Variants in FBP2 observed in about 807,000 individuals in gnomAD.
The protein encoded by FBP2 is fructose-1,6-bisphosphatase isozyme 2.
A neutral mutation model predicts 31.6 loss-of-function variants in FBP2; 27 were observed. The observed-to-expected ratio is 0.85, with a 90% CI of 0.63 to 1.18. FBP2 has a LOEUF of 1.18. Among genes scored for constraint, FBP2 ranks in the 50% most tolerant of loss-of-function variants. The pLI is 0.00. For synonymous variants in FBP2, 168 were observed against 179.8 expected (o/e 0.93, Z 0.53); for missense variants, 421 against 436.1 (o/e 0.97, Z 0.31).
At chr9:94,581,692 AAAAT>A (rs1827374115) in intron 3 of FBP2, among the ~76,000 whole-genome samples, 2 of 152,324 alleles carry the variant, frequency 1.3e-5, no homozygotes, top group South Asian at 4.1e-4. Context: ...AATATAAACT[AAAAT>A]AAAATCCTAA....
chr9:94,569,555 C>A (rs562920144), intron 4 of FBP2: 3 of 152,362 alleles, frequency 2.0e-5, no homozygotes, highest in Admixed American at 2.0e-4. Context: ...CCGGGACACT[C>A]AGGCCCTGGG....
intron 3 of FBP2, among the ~76,000 whole-genome samples, chr9:94,579,050 C>CAAAAAAAAAAAAAAAAAAAAAAAAAAAA (rs55778806): frequency 6.5e-5 from 2 of 30,594 alleles, no homozygotes; most frequent in African/African-American, 2.0e-4. Context: ...GAGACTCTGT[C>CAAAAAAAAAAAAAAAAAAAAAAAAAAAA]AAAAAAAAAA....
At chr9:94,593,443 G>A in intron 1 of FBP2, 114 bp downstream of exon 1, 1 of 928,326 alleles carries the variant, frequency 1.1e-6, no homozygotes, top group Non-Finnish European at 1.5e-6. Context: ...TCCATCTAGG[G>A]CACACAGGGC....
Position 94,571,570 on chromosome 9 carries a change from G to A in FBP2, c.459C>T (p.Ala153=), listed in dbSNP as rs555016192. The A allele has an allele frequency of 6.2e-7, 1 of 1,613,656 alleles. No individual in the cohort carries two copies. The highest frequency in any genetic ancestry group is 1.1e-5 in the South Asian group (1 of 90,944). Residue 153 remains alanine (A), a synonymous_variant, in exon 4 of 7, where the codon GCC becomes GCT. Coordinates refer to ENST00000375337, the MANE Select transcript of FBP2 (RefSeq NM_003837.4). ...CCACAATATTGCGGCCACACTGCAGGGCATCCTTTTCAGAAGGCTCATCCT... is the reference window on the plus strand; with the variant it reads ...CCACAATATTGCGGCCACACTGCAGAGCATCCTTTTCAGAAGGCTCATCCT... ...TSEDEPSEKD[A]LQCGRNIVAA... is the part of the protein sequence containing the mutation.
chr9:94,581,566 A>T (rs1169463931), intron 3 of FBP2, among the ~76,000 whole-genome samples: 1 of 152,208 alleles, frequency 6.6e-6, no homozygotes, highest in Non-Finnish European at 1.5e-5. Context: ...TAGGGGTCCC[A>T]TCGAGGAACA....
At chr9:94,559,291 T>G (rs925742290) in intron 6 of FBP2, 159 bp from the exon 7 acceptor site, 1 of 642,644 alleles carries the variant, frequency 1.6e-6, no homozygotes, top group Non-Finnish European at 2.6e-6. Flanking sequence ...CTTTAGAGCC[T>G]ACAGCAGGCC....
chr9:94,559,426 T>G (rs898622381), intron 6 of FBP2, among the ~76,000 whole-genome samples: 1 of 152,174 alleles, frequency 6.6e-6, no homozygotes, highest in African/African-American at 2.4e-5. Flanking sequence ...CTTGGAAATA[T>G]GAGATCTAGG....
intron 3 of FBP2, among the ~76,000 whole-genome samples, chr9:94,574,798 T>G (rs1461636957): frequency 6.6e-6 from 1 of 152,160 alleles, no homozygotes; most frequent in Non-Finnish European, 1.5e-5. Context: ...TTTATTTCTA[T>G]GCATGGAAAA....
intron 1 of FBP2, among the ~76,000 whole-genome samples, chr9:94,588,819 G>T (rs1173993335): frequency 6.6e-6 from 1 of 152,098 alleles, no homozygotes; most frequent in East Asian, 1.9e-4. Flanking sequence ...CTGCGCCCGG[G>T]TTGGCATGGC....
intron 4 of FBP2, chr9:94,569,376 T>TA (rs1220149049): frequency 6.6e-6 from 1 of 152,196 alleles, no homozygotes; most frequent in African/African-American, 2.4e-5. Context: ...AGTAACTCCT[T>TA]TCACTTAATT....
At chr9:94,590,916 C>G (rs1445780996) in intron 1 of FBP2, among the ~76,000 whole-genome samples, 2 of 152,176 alleles carry the variant, frequency 1.3e-5, no homozygotes, top group African/African-American at 4.8e-5. Context: ...TTTCCACACA[C>G]AGGTTCTCCA....
intron 1 of FBP2, among the ~76,000 whole-genome samples, chr9:94,587,694 G>A (rs1485010430): frequency 6.6e-6 from 1 of 152,046 alleles, no homozygotes; most frequent in African/African-American, 2.4e-5. Flanking sequence ...CTTCCAATGA[G>A]ATGACCCAGG....
intron 5 of FBP2, among the ~76,000 whole-genome samples, chr9:94,565,765 A>G (rs1827178209): frequency 2.2e-5 from 1 of 44,832 alleles, no homozygotes; most frequent in African/African-American, 5.6e-5. Context: ...AAATAGATAC[A>G]TAGATGATAG....
At chr9:94,559,227 G>A (rs984233052) in intron 6 of FBP2, 95 bp from the exon 7 acceptor site, 35 of 1,010,358 alleles carry the variant, frequency 3.5e-5, no homozygotes, top group African/African-American at 2.1e-4. Context: ...GTACTGCGGT[G>A]CTTCCATCTG....
At chr9:94,589,237 G>A (rs910350348) in intron 1 of FBP2, among the ~76,000 whole-genome samples, 4 of 152,110 alleles carry the variant, frequency 2.6e-5, no homozygotes, top group East Asian at 1.9e-4. Context: ...TCCAACAGCC[G>A]CAGATGTCCC....
chr9:94,559,278 G>C, intron 6 of FBP2, 146 bp from the exon 7 acceptor site: 1 of 669,818 alleles, frequency 1.5e-6, no homozygotes, highest in Middle Eastern at 4.2e-4. Flanking sequence ...GAGTGGGCCC[G>C]AGCTTTAGAG....
At chr9:94,559,236 T>A in intron 6 of FBP2, 104 bp from the exon 7 acceptor site, 1 of 945,824 alleles carries the variant, frequency 1.1e-6, no homozygotes, top group Non-Finnish European at 1.6e-6. Flanking sequence ...TGCTTCCATC[T>A]GGCTAGCATG....
chr9:94,572,721 C>CAT (rs983466182), intron 3 of FBP2, among the ~76,000 whole-genome samples: 19 of 152,276 alleles, frequency 1.2e-4, no homozygotes, highest in African/African-American at 4.6e-4. Flanking sequence ...ACAACACACA[C>CAT]ATGAGTTTAC....
chr9:94,561,328 C>CA (rs1446728783), intron 6 of FBP2, among the ~76,000 whole-genome samples: 2 of 149,390 alleles, frequency 1.3e-5, no homozygotes, highest in Non-Finnish European at 3.0e-5. Context: ...CCTTGGCCTG[C>CA]AGGCCATGTG....
Sources: gnomAD v4.1 joint callset for allele counts (sites outside exome capture counted in the v4.1 genomes callset) on GRCh38, gnomAD v4.1.1 for gene constraint, MANE v1.5 for transcripts, NCBI Gene and HGNC (gene_info 2026-07-23, HGNC 2026-07-21) for gene names.